The following NCF1 variants were observed in gnomAD, a reference collection of about 807,000 sequenced individuals.
NCF1 encodes the protein neutrophil cytosolic factor 1, also known as neutrophil cytosol factor 1.
NCF1 carries 8 observed loss-of-function variants against 34.9 expected under a neutral mutation model. The ratio of observed to expected loss-of-function variants is 0.23; its 90% CI spans 0.13 to 0.41. The LOEUF (loss-of-function observed/expected upper bound fraction) is 0.41. Ranked by LOEUF, NCF1 falls within the 10% of genes least tolerant of loss-of-function variation. The probability of loss-of-function intolerance (pLI) is 1.00; values close to 1 mark genes in which losing one functional copy is unlikely to be tolerated. For synonymous variants in NCF1, 57 were observed against 146.3 expected (o/e 0.39, Z 4.41); for missense variants, 122 against 362.4 (o/e 0.34, Z 5.39).
Position 74,785,879 on chromosome 7 carries a change from G to A in NCF1, c.800+580G>A, listed in dbSNP as rs1415186497. Among the ~76,000 whole-genome samples, 8 of 62,412 alleles carry A rather than the reference G, an allele frequency of 1.3e-4. No homozygotes were observed. The South Asian group carries it at 2.4e-3, about 18-fold the overall frequency. 40.9% of individuals were successfully genotyped at this position (62,412 alleles called of 152,430 possible). On this transcript the variant is annotated intron_variant, in intron 8 of 10. Transcript: ENST00000289473. ...GCCTGGGCAACGAGAGCGAAACTCCGTCTCAAAAAAAAAAAAAAAAAAAAA... is the reference window on the plus strand; with the variant it reads ...GCCTGGGCAACGAGAGCGAAACTCCATCTCAAAAAAAAAAAAAAAAAAAAA...
At chr7:74,776,010 A>G in intron 1 of NCF1, among the ~76,000 whole-genome samples, 1 of 97,438 alleles carries the variant, frequency 1.0e-5, no homozygotes, top group Admixed American at 1.1e-4. Flanking sequence ...GCAATGGCAC[A>G]ATCTCCACTC....
At chr7:74,786,399 T>C (rs1796674844) in intron 8 of NCF1, among the ~76,000 whole-genome samples, 2 of 149,924 alleles carry the variant, frequency 1.3e-5, no homozygotes, top group Non-Finnish European at 3.0e-5. Context: ...GGTCCTTTCC[T>C]GTGTCTTCAT....
chr7:74,782,042 G>A (rs1796578366), intron 5 of NCF1, among the ~76,000 whole-genome samples: 1 of 139,656 alleles, frequency 7.2e-6, no homozygotes, highest in Non-Finnish European at 1.5e-5. Context: ...CACCTCCACG[G>A]TTGGATGAAG....
intron 1 of NCF1, among the ~76,000 whole-genome samples, chr7:74,775,774 G>A (rs1439958929): frequency 8.1e-5 from 10 of 123,298 alleles, no homozygotes; most frequent in African/African-American, 1.2e-4. Context: ...TCACTCTGTC[G>A]CCAGACTGGA....
At chr7:74,786,008 G>A (rs1796667055) in intron 8 of NCF1, among the ~76,000 whole-genome samples, 1 of 126,214 alleles carries the variant, frequency 7.9e-6, no homozygotes, top group Non-Finnish European at 1.6e-5. Context: ...TGAGGTGGGA[G>A]GATCACTCAA....
Position 74,788,557 on chromosome 7 carries a change from A to G in NCF1, c.906-2A>G, listed in dbSNP as rs1554414873. ...TGACGACGCCCCGTCCCGCTGGGCC[A>G]GGTCGTCCATCCGCAACGCGCACAG... On this transcript the variant is annotated splice_acceptor_variant, in intron 9 of 10. Transcript: ENST00000289473. LOFTEE classifies it high-confidence loss of function. 3 of 1,543,690 alleles carry G rather than the reference A, an allele frequency of 1.9e-6. No individual in the cohort carries two copies. The highest frequency in any genetic ancestry group is 2.6e-6 in the Non-Finnish European group (3 of 1,146,954).
rs1584369249 is a variant in NCF1, at chr7:74,777,461, C to A, written c.153+114C>A. On this transcript the variant is annotated intron_variant, in intron 2 of 10. Transcript: ENST00000289473. ...CAGAACCCAGAATCCCCTCCCAGAC[C>A]ACAGTTAAAGGGGATTTATTTATTT... 1.2e-5 allele frequency: 10 copies of A among 859,638 alleles called. 1 individual carries two copies. In the East Asian group the frequency reaches 3.1e-4, roughly 27 times the overall value. The allele number at this position is 859,638 out of a possible 1,614,324, so 53.3% of individuals were successfully genotyped here. A position where few individuals can be genotyped will look rare whatever the true frequency, so the allele number is the denominator to read the frequency against.
chr7:74,779,526 TC>T, intron 4 of NCF1, 104 bp downstream of exon 4: 1 of 1,038,306 alleles, frequency 9.6e-7, no homozygotes, highest in Non-Finnish European at 1.3e-6. Flanking sequence ...AAAGCCACCT[TC>T]CCAGAGCCAC....
intron 1 of NCF1, among the ~76,000 whole-genome samples, chr7:74,775,825 C>G (rs1450429295): frequency 1.4e-4 from 21 of 147,790 alleles, no homozygotes; most frequent in African/African-American, 4.2e-4. Flanking sequence ...CCTCTGCCTC[C>G]TGGGTTCAAG....
chr7:74,776,966 T>G, intron 1 of NCF1: 1 of 329,276 alleles, frequency 3.0e-6, no homozygotes, highest in Non-Finnish European at 5.8e-6. Flanking sequence ...CCCACCTCGG[T>G]ACTAAAAAGT....
chr7:74,787,307 G>A (rs1399954280), intron 8 of NCF1, among the ~76,000 whole-genome samples: 25 of 152,084 alleles, frequency 1.6e-4, no homozygotes, highest in Admixed American at 2.6e-4. Context: ...AAGTGTGGTG[G>A]TGCATGCCTG....
intron 10 of NCF1, 87 bp downstream of exon 10, chr7:74,788,791 C>A: frequency 4.1e-6 from 6 of 1,457,412 alleles, no homozygotes; most frequent in Non-Finnish European, 9.3e-7. Flanking sequence ...GCCAGAGTAG[C>A]GGGGCGGGAC....
At chr7:74,781,937 T>C (rs1363542008) in intron 5 of NCF1, among the ~76,000 whole-genome samples, 6 of 151,788 alleles carry the variant, frequency 4.0e-5, no homozygotes, top group African/African-American at 1.5e-4. Flanking sequence ...AGTACCTTTC[T>C]CTTAATACAC....
intron 2 of NCF1, among the ~76,000 whole-genome samples, chr7:74,778,696 G>A (rs1796520908): frequency 1.5e-5 from 2 of 134,944 alleles, no homozygotes; most frequent in South Asian, 5.4e-4. Context: ...AGATATTTAG[G>A]TAGTGTCTCA....
At chr7:74,782,423 A>C in intron 5 of NCF1, among the ~76,000 whole-genome samples, 1 of 36,560 alleles carries the variant, frequency 2.7e-5, no homozygotes, top group Admixed American at 3.1e-4. Flanking sequence ...ACAGAGCGAG[A>C]CTCCATCTCA....
At chr7:74,787,698 G>T (rs1205652921) in intron 8 of NCF1, among the ~76,000 whole-genome samples, 12 of 143,868 alleles carry the variant, frequency 8.3e-5, no homozygotes, top group Non-Finnish European at 1.5e-5. Flanking sequence ...GATTACAGGC[G>T]TGAGCGACCG....
rs1796489210 is a variant in NCF1, at chr7:74,777,344, C to T, written c.150C>T (p.Phe50=). The T allele has an allele frequency of 6.3e-7, 1 of 1,580,382 alleles. No individual in the cohort carries two copies. Residue 50 remains phenylalanine, a synonymous_variant, in exon 2 of 11, where the codon TTC becomes TTT. Transcript: ENST00000289473. ...VYRRFTEIYE[F]HKTLKEMFPI... ...GGCGCTTCACCGAGATCTACGAGTT[C>T]CATGTGAGTGTGGGGATGGAGGAGG...
intron 1 of NCF1, among the ~76,000 whole-genome samples, chr7:74,776,096 G>A (rs1332243955): frequency 6.1e-5 from 3 of 49,232 alleles, no homozygotes; most frequent in Admixed American, 2.4e-4. Context: ...ACAGGCATGC[G>A]CCACCATGCC....
At chr7:74,787,510 C>T (rs1304863940) in intron 8 of NCF1, among the ~76,000 whole-genome samples, 3 of 151,980 alleles carry the variant, frequency 2.0e-5, no homozygotes, top group South Asian at 2.1e-4. Context: ...GGCAAAGGTT[C>T]GTAGGAGACA....
Sources: gnomAD v4.1 joint callset for allele counts (sites outside exome capture counted in the v4.1 genomes callset) on GRCh38, gnomAD v4.1.1 for gene constraint, MANE v1.5 for transcripts, NCBI Gene and HGNC (gene_info 2026-07-23, HGNC 2026-07-21) for gene names.